The following UBE2V1 variants were observed in gnomAD, a reference collection of about 807,000 sequenced individuals.
UBE2V1 encodes ubiquitin-conjugating enzyme E2 variant 1.
UBE2V1 carries 15 observed loss-of-function variants against 19.6 expected under a neutral mutation model. That is an observed-to-expected ratio of 0.77 (90% CI 0.51 to 1.18). The LOEUF (loss-of-function observed/expected upper bound fraction) is 1.18. Ranked by LOEUF, UBE2V1 falls within the 50% of genes most tolerant of loss-of-function variation. UBE2V1 has a pLI of 0.00. For missense variants in UBE2V1, 125 were observed against 184.8 expected (o/e 0.68, Z 1.88); for synonymous variants, 60 against 60.7 (o/e 0.99, Z 0.05).
intron 2 of UBE2V1, among the ~76,000 whole-genome samples, chr20:50,094,263 T>TATATAATATA (rs1568989058): frequency 7.1e-6 from 1 of 140,834 alleles, no homozygotes; most frequent in African/African-American, 2.6e-5. Flanking sequence ...ATATAATGCA[T>TATATAATATA]TATATAATAT....
intron 1 of UBE2V1, chr20:50,111,212 T>C (rs2080730370): frequency 5.1e-6 from 5 of 978,732 alleles, no homozygotes; most frequent in Non-Finnish European, 6.1e-6. Context: ...ATCTAAACCA[T>C]GCCAAGTGCT....
At chr20:50,103,098 T>G (rs951686550) in intron 1 of UBE2V1, among the ~76,000 whole-genome samples, 4 of 152,242 alleles carry the variant, frequency 2.6e-5, no homozygotes, top group African/African-American at 7.2e-5. Flanking sequence ...GGTTGTTTCT[T>G]GTCTGTCTCC....
chr20:50,113,176 T>C (rs2080892620), upstream of UBE2V1: 1 of 805,334 alleles, frequency 1.2e-6, no homozygotes. Context: ...ACCCCCCCCT[T>C]ACCCGTCCCC....
chr20:50,110,599 C>G (rs1023346540), intron 1 of UBE2V1, among the ~76,000 whole-genome samples: 2 of 152,184 alleles, frequency 1.3e-5, no homozygotes, highest in Non-Finnish European at 2.9e-5. Flanking sequence ...ACTCTTAGCA[C>G]CCTGCACTCT....
At chr20:50,112,601 G>T (rs1483257852) in intron 1 of UBE2V1, among the ~76,000 whole-genome samples, 2 of 152,082 alleles carry the variant, frequency 1.3e-5, no homozygotes, top group African/African-American at 2.4e-5. Flanking sequence ...AACCGATAGG[G>T]GATCCTCTCA....
At chr20:50,103,841 T>G (rs760998298) in intron 1 of UBE2V1, among the ~76,000 whole-genome samples, 1 of 151,888 alleles carries the variant, frequency 6.6e-6, no homozygotes, top group Non-Finnish European at 1.5e-5. Flanking sequence ...TTCTTTACAT[T>G]TGATTTTCTT....
intron 1 of UBE2V1, among the ~76,000 whole-genome samples, chr20:50,102,759 T>C (rs1259570249): frequency 2.0e-5 from 3 of 152,172 alleles, no homozygotes; most frequent in Non-Finnish European, 4.4e-5. Flanking sequence ...TGGCCTCCCG[T>C]TGCACCCGCA....
Position 50,082,071 on chromosome 20 carries a change from C to A in UBE2V1, c.*697G>T, listed in dbSNP as rs2078666684. 1 of 185,972 alleles carries A rather than the reference C, an allele frequency of 5.4e-6. No individual in the cohort carries two copies. The highest frequency in any genetic ancestry group is 2.4e-5 in the African/African-American group (1 of 42,452). The allele number at this position is 185,972 out of a possible 1,614,324, so 11.5% of individuals were successfully genotyped here. A position where few individuals can be genotyped will look rare whatever the true frequency, so the allele number is the denominator to read the frequency against. On this transcript the variant is annotated 3_prime_UTR_variant, in exon 4 of 4. Transcript: ENST00000371674. ...CTTGAGGAGGAGGGAGAAAAAGCAG[C>A]ACCCCTCGATAAAGGTGGGGGAGAG...
At position 50,085,988 on chromosome 20, in the gene UBE2V1, G is replaced by T. The variant is rs145646679; in HGVS notation, c.172-1734C>A. Among the ~76,000 whole-genome samples the T allele has an allele frequency of 3.9e-4, 60 of 152,048 alleles. 2 individuals carry two copies. The Middle Eastern group carries it at 0.027, about 69-fold the overall frequency. Reference sequence around the variant, plus strand: ...TATCCATCCACTTTCCTCCACCACCGTCACCTCTTCTGAACTCCCCCAAGT... The same window carrying T: ...TATCCATCCACTTTCCTCCACCACCTTCACCTCTTCTGAACTCCCCCAAGT... On this transcript the variant is annotated intron_variant, in intron 2 of 3. Transcript: ENST00000371674.
intron 1 of UBE2V1, chr20:50,098,948 A>G: frequency 2.0e-6 from 2 of 985,442 alleles, no homozygotes; most frequent in Non-Finnish European, 2.4e-6. Flanking sequence ...TTATTCAGCT[A>G]TACTGGATTA....
chr20:50,103,016 T>C (rs1272108029), intron 1 of UBE2V1, among the ~76,000 whole-genome samples: 1 of 152,224 alleles, frequency 6.6e-6, no homozygotes. Context: ...TCCATTCCCT[T>C]ATCTTGCCTT....
At chr20:50,103,875 C>T (rs571575582) in intron 1 of UBE2V1, among the ~76,000 whole-genome samples, 85 of 150,936 alleles carry the variant, frequency 5.6e-4, no homozygotes, top group Admixed American at 5.1e-3. Flanking sequence ...CTGACTCACT[C>T]TCTAAGTTTC....
intron 2 of UBE2V1, among the ~76,000 whole-genome samples, chr20:50,085,390 C>T (rs2078855074): frequency 6.6e-6 from 1 of 152,156 alleles, no homozygotes; most frequent in African/African-American, 2.4e-5. Flanking sequence ...CCAGCTCAAA[C>T]ACTACCTAGT....
intron 1 of UBE2V1, among the ~76,000 whole-genome samples, chr20:50,105,979 CTT>C (rs879715602): frequency 2.6e-5 from 4 of 151,900 alleles, no homozygotes; most frequent in African/African-American, 4.8e-5. Flanking sequence ...CAAAAGGACT[CTT>C]ATAATCTTGC....
In UBE2V1 at chr20:50,086,918, A is replaced by T. The variant is rs555373258; in HGVS notation, c.172-2664T>A. Among the ~76,000 whole-genome samples, 53 of 152,318 alleles carry T rather than the reference A, an allele frequency of 3.5e-4. 1 individual carries two copies. The highest frequency in any genetic ancestry group is 3.4e-3 in the Middle Eastern group (1 of 294). On this transcript the variant is annotated intron_variant, in intron 2 of 3. Transcript: ENST00000371674. ...CGGTGAAACCCTGTCTCTACTAAAA[A>T]TACAAAACATTAGCCGGGTGTGGTT...
At chr20:50,113,940 T>G (rs2080931154), upstream of UBE2V1, among the ~76,000 whole-genome samples, 1 of 152,050 alleles carries the variant, frequency 6.6e-6, no homozygotes, top group Non-Finnish European at 1.5e-5. Context: ...AGACAGCAAG[T>G]AAATAAACAG....
At chr20:50,101,690 T>A (rs773553916) in intron 1 of UBE2V1, among the ~76,000 whole-genome samples, 1 of 151,526 alleles carries the variant, frequency 6.6e-6, no homozygotes, top group Non-Finnish European at 1.5e-5. Flanking sequence ...CAGTAACATA[T>A]AGGCACACAC....
intron 2 of UBE2V1, among the ~76,000 whole-genome samples, chr20:50,091,957 T>C (rs1385428969): frequency 3.3e-5 from 5 of 152,196 alleles, no homozygotes; most frequent in Non-Finnish European, 7.3e-5. Context: ...CCTGTAATTA[T>C]GTTCAGTTCC....
chr20:50,090,473 C>CAAAA (rs34134046), intron 2 of UBE2V1, among the ~76,000 whole-genome samples: 7 of 96,742 alleles, frequency 7.2e-5, no homozygotes, highest in African/African-American at 1.7e-4. Flanking sequence ...GACTCTGTCT[C>CAAAA]AAAAAAAAAA....
Sources: gnomAD v4.1 joint callset for allele counts (sites outside exome capture counted in the v4.1 genomes callset) on GRCh38, gnomAD v4.1.1 for gene constraint, MANE v1.5 for transcripts, NCBI Gene and HGNC (gene_info 2026-07-23, HGNC 2026-07-21) for gene names.